ABCB5: variants seen among roughly 807,000 people sequenced by gnomAD.
The protein encoded by ABCB5 is ATP-binding cassette sub-family B member 5.
Under a neutral mutation model 144.2 loss-of-function variants are expected in ABCB5, and 155 were observed. The ratio of observed to expected loss-of-function variants is 1.08; its 90% CI spans 0.94 to 1.23. The LOEUF (loss-of-function observed/expected upper bound fraction) is 1.23. Ranked by LOEUF, ABCB5 falls within the 50% of genes most tolerant of loss-of-function variation. The pLI, the probability that ABCB5 is intolerant of heterozygous loss-of-function variation, is 0.00. For missense variants in ABCB5, 1,830 were observed against 1,520.8 expected, an observed-to-expected ratio of 1.20 and a Z score of -3.38; for synonymous variants, 610 against 528.6, an observed-to-expected ratio of 1.15 and a Z score of -2.11.
intron 4 of ABCB5, among the ~76,000 whole-genome samples, chr7:20,630,910 T>C (rs554440387): frequency 2.6e-5 from 4 of 152,314 alleles, no homozygotes; most frequent in South Asian, 4.1e-4. Context: ...GGTAAACATA[T>C]AGAGAAGTTC....
chr7:20,669,779 A>C (rs1198770682), intron 14 of ABCB5, among the ~76,000 whole-genome samples: 1 of 50 alleles, frequency 0.02, no homozygotes, highest in Non-Finnish European at 0.056. Flanking sequence ...AAACAGAATA[A>C]ATAGAGATTT....
chr7:20,708,389 A>G (rs1237713068), intron 20 of ABCB5, among the ~76,000 whole-genome samples: 2 of 152,186 alleles, frequency 1.3e-5, no homozygotes, highest in African/African-American at 4.8e-5. Flanking sequence ...CAGTAATCCC[A>G]GTAATTCAGG....
intron 14 of ABCB5, among the ~76,000 whole-genome samples, chr7:20,660,753 TCCTG>T (rs910442496): frequency 6.6e-6 from 1 of 152,192 alleles, no homozygotes; most frequent in African/African-American, 2.4e-5. Context: ...GCTCAAAATA[TCCTG>T]CAAGCCACTA....
chr7:20,688,008 A>G (rs1467560553), intron 16 of ABCB5, among the ~76,000 whole-genome samples: 1 of 152,174 alleles, frequency 6.6e-6, no homozygotes, highest in Non-Finnish European at 1.5e-5. Flanking sequence ...CCTGACCAAC[A>G]TGGTGAAACC....
intron 4 of ABCB5, among the ~76,000 whole-genome samples, chr7:20,630,329 C>A (rs1296970126): frequency 1.3e-5 from 2 of 151,710 alleles, no homozygotes; most frequent in African/African-American, 4.8e-5. Flanking sequence ...CTCTATTTGA[C>A]TTTAAATTCT....
At chr7:20,743,818 C>T (rs555393828) in intron 25 of ABCB5, among the ~76,000 whole-genome samples, 29 of 152,186 alleles carry the variant, frequency 1.9e-4, no homozygotes, top group Admixed American at 9.8e-4. Flanking sequence ...GTTTGCAAAA[C>T]AGAGTTTAGG....
chr7:20,730,953 A>G (rs558598806), intron 23 of ABCB5, among the ~76,000 whole-genome samples: 27 of 152,250 alleles, frequency 1.8e-4, no homozygotes, highest in Admixed American at 1.7e-3. Context: ...TATTCATACT[A>G]ATGTACGAGG....
chr7:20,701,028 A>G (rs550122343), intron 19 of ABCB5, among the ~76,000 whole-genome samples: 42 of 152,318 alleles, frequency 2.8e-4, no homozygotes, highest in Non-Finnish European at 4.6e-4. Context: ...AAACGGAAAG[A>G]AGCAAGTCGG....
chr7:20,717,961 G>A (rs1382281763), intron 20 of ABCB5, among the ~76,000 whole-genome samples: 1 of 118,636 alleles, frequency 8.4e-6, no homozygotes, highest in Non-Finnish European at 1.6e-5. Context: ...GAGTGCAGTG[G>A]CGCAATCTCG....
intron 20 of ABCB5, among the ~76,000 whole-genome samples, chr7:20,721,712 T>C (rs1395877119): frequency 6.6e-6 from 1 of 152,204 alleles, no homozygotes; most frequent in Non-Finnish European, 1.5e-5. Context: ...GAACGGTAAA[T>C]GTACAAAAAA....
intron 23 of ABCB5, among the ~76,000 whole-genome samples, chr7:20,737,315 GA>G (rs2128053855): frequency 6.6e-6 from 1 of 152,224 alleles, no homozygotes; most frequent in African/African-American, 2.4e-5. Context: ...ACTCATTAAA[GA>G]CGGTATCAGG....
intron 2 of ABCB5, among the ~76,000 whole-genome samples, chr7:20,623,907 T>C (rs1189505671): frequency 6.6e-6 from 1 of 152,230 alleles, no homozygotes; most frequent in Non-Finnish European, 1.5e-5. Flanking sequence ...CTCCAGGTCA[T>C]GTAGTTTATT....
At chr7:20,699,219 C>G (rs528900905) in intron 17 of ABCB5, among the ~76,000 whole-genome samples, 5 of 152,238 alleles carry the variant, frequency 3.3e-5, no homozygotes, top group African/African-American at 7.2e-5. Flanking sequence ...TTCAAGCAAA[C>G]TGGTGGTTTC....
At chr7:20,631,769 T>A (rs1281367773) in intron 4 of ABCB5, among the ~76,000 whole-genome samples, 1 of 152,178 alleles carries the variant, frequency 6.6e-6, no homozygotes, top group Non-Finnish European at 1.5e-5. Flanking sequence ...ACTATTACTT[T>A]CCTGATTGTT....
chr7:20,643,156 G>C (rs763209984), intron 5 of ABCB5, 28 bp from the exon 6 acceptor site: 1 of 1,562,120 alleles, frequency 6.4e-7, no homozygotes, highest in South Asian at 1.1e-5. Flanking sequence ...TTGTGCTTCA[G>C]TCTCACATTC....
At chr7:20,623,366 T>G (rs1352475332) in intron 2 of ABCB5, 28 bp downstream of exon 2, 5 of 1,514,100 alleles carry the variant, frequency 3.3e-6, no homozygotes, top group Non-Finnish European at 4.5e-6. Flanking sequence ...TCTGTAAGTA[T>G]GCTTCCACAA....
chr7:20,753,727 T>C (rs73087548), intron 27 of ABCB5, among the ~76,000 whole-genome samples: 29 of 152,272 alleles, frequency 1.9e-4, no homozygotes, highest in Non-Finnish European at 3.5e-4. Context: ...CCAGAAAGGT[T>C]TTCTCACTCA....
rs570597004 is a variant in ABCB5 at position 20,696,746 on chromosome 7, A to G, written c.2011-1661A>G. On this transcript the variant is annotated intron_variant, in intron 16 of 27. Coordinates refer to ENST00000404938, the MANE Select transcript of ABCB5 (RefSeq NM_001163941.2). ...TTAACGCATGTACAACCTGTCTCAT[A>G]TTTAAGTAACACAGCCTATTTTATG... 3.2e-4 allele frequency among the ~76,000 whole-genome samples: 49 copies of G among 152,244 alleles called. 1 individual carries two copies. In the South Asian group the frequency reaches 0.01, roughly 32 times the overall value.
At chr7:20,625,433 A>G (rs1014501268) in intron 2 of ABCB5, among the ~76,000 whole-genome samples, 1 of 152,186 alleles carries the variant, frequency 6.6e-6, no homozygotes, top group African/African-American at 2.4e-5. Context: ...AGTGGATACA[A>G]TGTACAGCTT....
Sources: allele counts gnomAD v4.1 joint callset (sites outside exome capture counted in the v4.1 genomes callset), GRCh38; gene constraint gnomAD v4.1.1; transcripts MANE v1.5; gene names NCBI Gene and HGNC (gene_info 2026-07-23, HGNC 2026-07-21).